FSTL5: variants seen among roughly 807,000 people sequenced by gnomAD.
FSTL5 encodes the protein follistatin-related protein 5.
Under a neutral mutation model 89.1 loss-of-function variants are expected in FSTL5, and 62 were observed. That is an observed-to-expected ratio of 0.70 (90% CI 0.57 to 0.86). FSTL5 has a LOEUF of 0.86. Ranked by LOEUF, FSTL5 falls within the 40% of genes least tolerant of loss-of-function variation. FSTL5 has a pLI of 0.00. For synonymous variants in FSTL5, 383 were observed against 346.2 expected (o/e 1.11, Z -1.18); for missense variants, 1,057 against 1,001.6 (o/e 1.06, Z -0.75).
At chr4:162,020,580 G>T (rs973367801) in intron 3 of FSTL5, among the ~76,000 whole-genome samples, 1 of 152,052 alleles carries the variant, frequency 6.6e-6, no homozygotes, top group African/African-American at 2.4e-5. Context: ...AGAAAATGGA[G>T]TCTTAGACTA....
chr4:161,754,091 A>AT (rs1456495506), intron 6 of FSTL5, among the ~76,000 whole-genome samples: 1 of 150,070 alleles, frequency 6.7e-6, no homozygotes, highest in African/African-American at 2.4e-5. Context: ...GAGTGATGAC[A>AT]TTTTCAATAT....
At chr4:161,919,621 G>A (rs961960875) in intron 4 of FSTL5, among the ~76,000 whole-genome samples, 1 of 152,040 alleles carries the variant, frequency 6.6e-6, no homozygotes, top group African/African-American at 2.4e-5. Context: ...AAGGTTAGAA[G>A]TCAGATTAAT....
intron 7 of FSTL5, among the ~76,000 whole-genome samples, chr4:161,619,869 G>T (rs1334496040): frequency 6.6e-6 from 1 of 151,932 alleles, no homozygotes; most frequent in East Asian, 1.9e-4. Context: ...AAATCATGCT[G>T]CTATAAAGAC....
intron 6 of FSTL5, among the ~76,000 whole-genome samples, chr4:161,657,425 C>A (rs1381809802): frequency 6.6e-6 from 1 of 152,202 alleles, no homozygotes; most frequent in Non-Finnish European, 1.5e-5. Context: ...AAACGAAACA[C>A]CACGAATTCT....
At chr4:161,999,779 A>G (rs1036315001) in intron 3 of FSTL5, among the ~76,000 whole-genome samples, 2 of 152,212 alleles carry the variant, frequency 1.3e-5, no homozygotes, top group African/African-American at 2.4e-5. Context: ...AATACACCAC[A>G]TGAAATCATG....
chr4:162,123,922 A>G (rs980104951), intron 1 of FSTL5, among the ~76,000 whole-genome samples: 2 of 152,156 alleles, frequency 1.3e-5, no homozygotes, highest in African/African-American at 4.8e-5. Flanking sequence ...GTGTTTTATA[A>G]TATAACAGTA....
chr4:161,827,277 G>A (rs1379014021), intron 4 of FSTL5, among the ~76,000 whole-genome samples: 1 of 152,240 alleles, frequency 6.6e-6, no homozygotes, highest in Non-Finnish European at 1.5e-5. Flanking sequence ...TCTAGGGAGT[G>A]CCTGCACAGT....
chr4:161,428,508 G>A (rs78159776), intron 15 of FSTL5, among the ~76,000 whole-genome samples: 7,199 of 152,256 alleles, frequency 0.047, 436 homozygotes, highest in East Asian at 0.19. Flanking sequence ...AAAGGACTTC[G>A]TCTTGTAACT....
chr4:161,655,882 C>T (rs982710794), intron 7 of FSTL5, among the ~76,000 whole-genome samples: 4 of 152,126 alleles, frequency 2.6e-5, no homozygotes, highest in African/African-American at 9.7e-5. Context: ...TACATGCAAA[C>T]ATACACTCAT....
intron 1 of FSTL5, among the ~76,000 whole-genome samples, chr4:162,129,068 G>A (rs1478562569): frequency 6.6e-6 from 1 of 151,956 alleles, no homozygotes; most frequent in Admixed American, 6.6e-5. Context: ...AAGTAGCTGG[G>A]ATTACAGGCG....
At chr4:161,966,167 GTTTC>G (rs1735321905) in intron 3 of FSTL5, among the ~76,000 whole-genome samples, 1 of 151,992 alleles carries the variant, frequency 6.6e-6, no homozygotes, top group African/African-American at 2.4e-5. Context: ...TTCATTGTTA[GTTTC>G]TTACTAAGGC....
Position 161,813,402 on chromosome 4 carries a change from A to T in FSTL5, c.410-37328T>A, listed in dbSNP as rs17041586. 8.8e-3 allele frequency among the ~76,000 whole-genome samples: 1,335 copies of T among 152,200 alleles called. 15 individuals carry two copies. Among genetic ancestry groups the T allele is most frequent in the African/African-American group, 0.028 (1,179 of 41,488 alleles). On this transcript the variant is annotated intron_variant, in intron 4 of 15. Transcript: ENST00000306100. Reference sequence around the variant, plus strand: ...CAACATACTAACCTGGTAATAATTTAAAAAAGTAACAATAAAAAAAATTTG... The same window carrying T: ...CAACATACTAACCTGGTAATAATTTTAAAAAGTAACAATAAAAAAAATTTG...
intron 4 of FSTL5, among the ~76,000 whole-genome samples, chr4:161,903,235 C>T (rs1733422822): frequency 6.6e-6 from 1 of 151,918 alleles, no homozygotes; most frequent in Admixed American, 6.6e-5. Flanking sequence ...ACTCTTTTAG[C>T]ACATTTTAAA....
intron 2 of FSTL5, among the ~76,000 whole-genome samples, chr4:162,069,212 C>T (rs530308919): frequency 6.6e-6 from 1 of 151,976 alleles, no homozygotes; most frequent in African/African-American, 2.4e-5. Context: ...CTCATTAAAG[C>T]ATCTTCCCTT....
intron 3 of FSTL5, among the ~76,000 whole-genome samples, chr4:161,988,451 A>G (rs140360201): frequency 1.3e-5 from 2 of 152,314 alleles, no homozygotes; most frequent in Non-Finnish European, 2.9e-5. Context: ...CTAAAAGTTT[A>G]AAGAGAAGAA....
At chr4:161,744,174 T>G (rs1332665779) in intron 6 of FSTL5, among the ~76,000 whole-genome samples, 1 of 152,150 alleles carries the variant, frequency 6.6e-6, no homozygotes, top group East Asian at 1.9e-4. Context: ...TGGTCAGGGA[T>G]GCATAAGGAA....
At chr4:161,795,317 T>A (rs60397471) in intron 4 of FSTL5, among the ~76,000 whole-genome samples, 21,158 of 152,090 alleles carry the variant, frequency 0.14, 2,810 homozygotes, top group African/African-American at 0.34. Flanking sequence ...TTATTTAAAA[T>A]GGCACTAAAT....
chr4:161,458,069 G>C (rs1323674857), intron 14 of FSTL5, among the ~76,000 whole-genome samples: 9 of 152,064 alleles, frequency 5.9e-5, no homozygotes, highest in Non-Finnish European at 1.2e-4. Context: ...CACATGCAGG[G>C]GACACAAGGC....
intron 11 of FSTL5, among the ~76,000 whole-genome samples, chr4:161,507,097 A>T (rs1468804111): frequency 2.6e-5 from 4 of 152,044 alleles, no homozygotes. Flanking sequence ...AATAAATTTT[A>T]AAAATCCCAT....
Sources: allele counts gnomAD v4.1 joint callset (sites outside exome capture counted in the v4.1 genomes callset), GRCh38; gene constraint gnomAD v4.1.1; transcripts MANE v1.5; gene names NCBI Gene and HGNC (gene_info 2026-07-23, HGNC 2026-07-21).